Variants in PDE8B observed in about 807,000 individuals in gnomAD.
The protein encoded by PDE8B is phosphodiesterase 8B.
In PDE8B, 26 loss-of-function variants were observed where a neutral mutation model predicts 101.3. The observed-to-expected ratio is 0.26, with a 90% confidence interval of 0.19 to 0.36. The LOEUF is 0.36. PDE8B is among the 10% of genes least tolerant of loss of function. PDE8B has a pLI of 1.00. For synonymous variants in PDE8B, 424 were observed against 429.3 expected (o/e 0.99, Z 0.15); for missense variants, 810 against 1,163.1 (o/e 0.70, Z 4.42).
chr5:77,309,982 T>C (rs1386515452), intron 1 of PDE8B, among the ~76,000 whole-genome samples: 3 of 140,452 alleles, frequency 2.1e-5, no homozygotes, highest in Non-Finnish European at 3.1e-5. Flanking sequence ...GGAGTTTTGC[T>C]CTTGTTGCCC....
chr5:77,223,039 T>A lies in PDE8B; in HGVS notation c.339+11775T>A, dbSNP rs375243533. Reference sequence around the variant, plus strand: ...GAAGCTCTAAAGCAGCATTACCCAATAGAAATAAAATGTGACCCAGATGTA... The same window carrying A: ...GAAGCTCTAAAGCAGCATTACCCAAAAGAAATAAAATGTGACCCAGATGTA... On this transcript the variant is annotated intron_variant, in intron 1 of 21. Coordinates refer to ENST00000264917, the MANE Select transcript of PDE8B (RefSeq NM_003719.5). Among the ~76,000 whole-genome samples the A allele has an allele frequency of 2.0e-5, 3 of 152,168 alleles. No individual in the cohort carries two copies. In the East Asian group the frequency reaches 5.8e-4, roughly 29 times the overall value.
chr5:77,360,321 C>G (rs1191288252), intron 10 of PDE8B, among the ~76,000 whole-genome samples: 2 of 152,100 alleles, frequency 1.3e-5, no homozygotes, highest in Non-Finnish European at 2.9e-5. Context: ...CAGACTATTA[C>G]AAGATTCTGC....
intron 1 of PDE8B, chr5:77,291,595 T>A (rs1422779605): frequency 5.0e-6 from 8 of 1,598,268 alleles, no homozygotes; most frequent in Non-Finnish European, 6.9e-6. Flanking sequence ...TTTCGCTGGC[T>A]TGGACCTAAA....
chr5:77,169,089 C>T, the PDE8B span, among the ~76,000 whole-genome samples: 1 of 152,192 alleles, frequency 6.6e-6, no homozygotes, highest in East Asian at 1.9e-4. Context: ...AGTGCCAGCT[C>T]CTGTCACTTG....
At chr5:77,272,931 A>G (rs1345277001) in intron 1 of PDE8B, among the ~76,000 whole-genome samples, 1 of 152,124 alleles carries the variant, frequency 6.6e-6, no homozygotes, top group Non-Finnish European at 1.5e-5. Context: ...AGAGAAAGTG[A>G]TGTTTTGATA....
At chr5:77,116,325 G>A in the PDE8B span, among the ~76,000 whole-genome samples, 5 of 144,844 alleles carry the variant, frequency 3.5e-5, no homozygotes, top group Admixed American at 7.1e-5. Flanking sequence ...TCCACCTCCC[G>A]GGTTCAAACA....
At chr5:77,201,829 A>G in the PDE8B span, among the ~76,000 whole-genome samples, 10 of 152,198 alleles carry the variant, frequency 6.6e-5, no homozygotes, top group Admixed American at 1.3e-4. Context: ...AAAATAGCAC[A>G]GACTAGGTGA....
intron 1 of PDE8B, among the ~76,000 whole-genome samples, chr5:77,254,841 T>G (rs1758778482): frequency 6.6e-6 from 1 of 152,212 alleles, no homozygotes. Context: ...GAGAGCTCAC[T>G]ATATTTCTTC....
chr5:77,157,499 G>C, the PDE8B span, among the ~76,000 whole-genome samples: 4 of 152,332 alleles, frequency 2.6e-5, no homozygotes, highest in East Asian at 7.7e-4. Context: ...CATGAGGGTG[G>C]CTGTGAAGAC....
At chr5:77,403,483 C>T (rs1018393846) in intron 11 of PDE8B, among the ~76,000 whole-genome samples, 3 of 152,210 alleles carry the variant, frequency 2.0e-5, no homozygotes, top group South Asian at 2.1e-4. Flanking sequence ...TAATTTAAAT[C>T]TCTATAAGTT....
At chr5:77,296,536 C>A (rs1010368105) in intron 1 of PDE8B, among the ~76,000 whole-genome samples, 1 of 152,150 alleles carries the variant, frequency 6.6e-6, no homozygotes, top group Non-Finnish European at 1.5e-5. Flanking sequence ...CCGCTCCCAG[C>A]CCACATGTCT....
chr5:77,195,205 A>G, the PDE8B span, among the ~76,000 whole-genome samples: 4 of 152,256 alleles, frequency 2.6e-5, no homozygotes, highest in African/African-American at 4.8e-5. Context: ...ATGCCCTCAC[A>G]TGGCAGAAGG....
intron 1 of PDE8B, among the ~76,000 whole-genome samples, chr5:77,302,855 G>A (rs527820652): frequency 2.0e-5 from 3 of 152,220 alleles, no homozygotes; most frequent in South Asian, 2.1e-4. Context: ...TGACCTTTAC[G>A]TGAGATGATG....
chr5:77,344,787 A>T (rs1032706462), intron 6 of PDE8B, 66 bp from the exon 7 acceptor site: 21 of 1,046,006 alleles, frequency 2.0e-5, no homozygotes, highest in Middle Eastern at 2.1e-4. Flanking sequence ...TTACTTTGTT[A>T]AATTAACAGA....
At chr5:77,278,299 T>C (rs992196538) in intron 1 of PDE8B, among the ~76,000 whole-genome samples, 4 of 152,180 alleles carry the variant, frequency 2.6e-5, no homozygotes, top group African/African-American at 7.2e-5. Flanking sequence ...GATGTAATAC[T>C]AAGTTGTCAT....
intron 1 of PDE8B, among the ~76,000 whole-genome samples, chr5:77,310,343 G>A (rs1256568785): frequency 6.6e-6 from 1 of 152,250 alleles, no homozygotes; most frequent in African/African-American, 2.4e-5. Flanking sequence ...TGGGAGTGGA[G>A]CTGGGTGAAG....
At chr5:77,423,632 GTTTTT>G (rs71594634) in intron 20 of PDE8B, among the ~76,000 whole-genome samples, 180 of 74,020 alleles carry the variant, frequency 2.4e-3, no homozygotes, top group African/African-American at 7.8e-3. Flanking sequence ...GTTTTGTTTA[GTTTTT>G]TTTTTTTTTT....
At chr5:77,414,014 AAAACTT>A (rs1795053997) in intron 17 of PDE8B, among the ~76,000 whole-genome samples, 1 of 152,192 alleles carries the variant, frequency 6.6e-6, no homozygotes, top group Admixed American at 6.5e-5. Flanking sequence ...AACTAGAACT[AAAACTT>A]AAATTTTAAA....
chr5:77,388,337 A>G (rs928721683), intron 10 of PDE8B, among the ~76,000 whole-genome samples: 1 of 152,098 alleles, frequency 6.6e-6, no homozygotes, highest in Admixed American at 6.5e-5. Context: ...CCTCTGCTAC[A>G]GGTCTCCTGG....
Sources: allele counts gnomAD v4.1 joint callset (sites outside exome capture counted in the v4.1 genomes callset), GRCh38; gene constraint gnomAD v4.1.1; transcripts MANE v1.5; gene names NCBI Gene and HGNC (gene_info 2026-07-23, HGNC 2026-07-21).